The following PAM variants were observed in gnomAD, a reference collection of about 807,000 sequenced individuals.
The protein encoded by PAM is peptidyl-glycine alpha-amidating monooxygenase.
A neutral mutation model predicts 122.1 loss-of-function variants in PAM; 72 were observed. That is an observed-to-expected ratio of 0.59 (90% confidence interval 0.49 to 0.72). The LOEUF is 0.72. Among genes scored for constraint, PAM ranks in the 30% least tolerant of loss-of-function variants. The pLI is 0.00. For synonymous variants in PAM, 389 were observed against 404.4 expected (o/e 0.96, Z 0.46); for missense variants, 1,106 against 1,183.7 (o/e 0.93, Z 0.96).
At chr5:102,793,352 CT>C (rs1331300282) in intron 1 of PAM, among the ~76,000 whole-genome samples, 1 of 149,106 alleles carries the variant, frequency 6.7e-6, no homozygotes, top group Non-Finnish European at 1.5e-5. Flanking sequence ...AGGGAGACCC[CT>C]GTCTCTTCAA....
chr5:102,803,193 GGAA>G (rs1561487103), intron 1 of PAM, among the ~76,000 whole-genome samples: 2 of 110,214 alleles, frequency 1.8e-5, no homozygotes, highest in Non-Finnish European at 4.3e-5. Flanking sequence ...AAGGAAGGAA[GGAA>G]GGAAGGAAGG....
intron 1 of PAM, among the ~76,000 whole-genome samples, chr5:102,779,060 G>C (rs1255972110): frequency 1.3e-5 from 2 of 152,080 alleles, no homozygotes; most frequent in African/African-American, 4.8e-5. Context: ...TGAAGGAATT[G>C]AGTGAGGTAC....
intron 17 of PAM, among the ~76,000 whole-genome samples, chr5:103,004,118 G>A (rs1778219599): frequency 6.6e-6 from 1 of 152,176 alleles, no homozygotes; most frequent in Non-Finnish European, 1.5e-5. Context: ...AAGGTGGATA[G>A]CCACCGTTTT....
At chr5:102,961,808 T>C (rs1343748123) in intron 14 of PAM, among the ~76,000 whole-genome samples, 14 of 151,956 alleles carry the variant, frequency 9.2e-5, no homozygotes, top group Non-Finnish European at 2.1e-4. Context: ...GTTTGATGCT[T>C]GTATGTCATA....
chr5:102,807,564 A>C (rs567346600), intron 1 of PAM, among the ~76,000 whole-genome samples: 1 of 152,322 alleles, frequency 6.6e-6, no homozygotes, highest in East Asian at 1.9e-4. Context: ...TTTCTGGATA[A>C]GTGATGTATT....
Position 102,924,946 on chromosome 5 carries a change from AT to A in PAM, c.357-7del. 7.3e-7 allele frequency: 1 copy of A among 1,375,442 alleles called. No individual in the cohort carries two copies. Among genetic ancestry groups the A allele is most frequent in the Non-Finnish European group, 1.0e-6 (1 of 962,472 alleles). The allele number at this position is 1,375,442 out of a possible 1,614,324, so 85.2% of individuals were successfully genotyped here. A position where few individuals can be genotyped will look rare whatever the true frequency, so the allele number is the denominator to read the frequency against. On this transcript the variant is annotated splice_polypyrimidine_tract_variant and intron_variant, in intron 5 of 25. Transcript: ENST00000438793. Reference sequence around the variant, plus strand: ...TAAATCTTCATTTATACTACTTTTTATTTTCTTCAGGTTTTGTGATGAAGGA... The same window carrying A: ...TAAATCTTCATTTATACTACTTTTTATTTCTTCAGGTTTTGTGATGAAGGA...
chr5:102,974,432 A>G lies in PAM; in HGVS notation c.1479A>G (p.Thr493=), dbSNP rs994611579. 5 of 1,608,382 alleles carry G rather than the reference A, an allele frequency of 3.1e-6. No individual in the cohort carries two copies. In the African/African-American group the frequency reaches 5.4e-5, roughly 17 times the overall value. Residue 493 remains threonine (T), a synonymous_variant, in exon 15 of 26, where the codon ACA becomes ACG. Coordinates refer to ENST00000438793, the MANE Select transcript of PAM (RefSeq NM_001177306.2). ...AAGGCACCTGGGAACCAGAACACAC[A>G]GGAGGTGCGTGTAGGGTTTCTTTTA... is the stretch of plus-strand genomic sequence containing the variant. ...PGEGTWEPEH[T]GDFHMEEALD...
At chr5:102,781,493 C>G (rs1447331390) in intron 1 of PAM, among the ~76,000 whole-genome samples, 1 of 152,100 alleles carries the variant, frequency 6.6e-6, no homozygotes, top group African/African-American at 2.4e-5. Context: ...TGAGTAAAAA[C>G]CTAAATGCTA....
chr5:102,818,278 T>C (rs1040550273), intron 1 of PAM, among the ~76,000 whole-genome samples: 3 of 152,004 alleles, frequency 2.0e-5, no homozygotes, highest in African/African-American at 7.2e-5. Context: ...ACAAAGAGTA[T>C]AATGGATTAT....
chr5:102,758,153 C>A (rs1323865650), intron 1 of PAM, among the ~76,000 whole-genome samples: 1 of 127,062 alleles, frequency 7.9e-6, no homozygotes, highest in African/African-American at 3.0e-5. Context: ...AAAAGATTGA[C>A]CAGGGATCTT....
At chr5:102,770,546 C>T (rs1021254484) in intron 1 of PAM, among the ~76,000 whole-genome samples, 10 of 151,942 alleles carry the variant, frequency 6.6e-5, no homozygotes, top group Non-Finnish European at 2.9e-5. Context: ...CCTTCTAGAC[C>T]CAGTTTTCTG....
chr5:102,845,522 T>C (rs1295196930), intron 1 of PAM, among the ~76,000 whole-genome samples: 1 of 152,200 alleles, frequency 6.6e-6, no homozygotes, highest in African/African-American at 2.4e-5. Flanking sequence ...AGGAAGTTTA[T>C]TTTTTCTACA....
chr5:102,866,287 G>T lies in PAM; in HGVS notation c.89+3G>T. The T allele has an allele frequency of 6.3e-7, 1 of 1,597,678 alleles. No individual in the cohort carries two copies. Among genetic ancestry groups the T allele is most frequent in the Non-Finnish European group, 8.6e-7 (1 of 1,165,192 alleles). ...AGCCCACTTTCTGTCTTTAAGAGGT[G>T]GGTGTTCGTTGTTCGGGTGCTTTCT... On this transcript the variant is annotated splice_donor_region_variant and intron_variant, in intron 2 of 25. Transcript: ENST00000438793.
At chr5:102,889,501 C>T (rs1056746084) in intron 3 of PAM, among the ~76,000 whole-genome samples, 17 of 151,784 alleles carry the variant, frequency 1.1e-4, no homozygotes, top group Non-Finnish European at 2.9e-5. Flanking sequence ...CTTCCCTTAA[C>T]CTAGCCGTCT....
chr5:102,892,356 AT>A (rs1794996293), intron 3 of PAM, among the ~76,000 whole-genome samples: 1 of 151,832 alleles, frequency 6.6e-6, no homozygotes, highest in African/African-American at 2.4e-5. Context: ...TCATTCTTGC[AT>A]TTGTTCTACT....
intron 12 of PAM, among the ~76,000 whole-genome samples, chr5:102,954,740 A>G (rs1329391181): frequency 6.6e-6 from 1 of 152,140 alleles, no homozygotes; most frequent in African/African-American, 2.4e-5. Flanking sequence ...AATTTAATTA[A>G]GTCAGCCAAT....
At chr5:102,980,692 A>T (rs138420398) in intron 15 of PAM, among the ~76,000 whole-genome samples, 1 of 152,274 alleles carries the variant, frequency 6.6e-6, no homozygotes, top group African/African-American at 2.4e-5. Flanking sequence ...AAATATGGTG[A>T]CACTGGAAGC....
chr5:102,881,137 C>CACACACACACACACACAT lies in PAM; in HGVS notation c.210+13761_210+13762insTACACACACACACACACA, dbSNP rs1554098763. Reference sequence around the variant, plus strand: ...AAAATAATTTTTATACATACACACACACACACACACACACACACAGAGACT... The same window carrying CACACACACACACACACAT: ...AAAATAATTTTTATACATACACACACACACACACACACACACATACACACACACACACACACAGAGACT... On this transcript the variant is annotated intron_variant, in intron 3 of 25. Coordinates refer to ENST00000438793, the MANE Select transcript of PAM (RefSeq NM_001177306.2). Among the ~76,000 whole-genome samples, 48 of 151,428 alleles carry CACACACACACACACACAT rather than the reference C, an allele frequency of 3.2e-4. 2 individuals are homozygous for CACACACACACACACACAT. The highest frequency in any genetic ancestry group is 1.0e-3 in the African/African-American group (42 of 41,224).
intron 5 of PAM, among the ~76,000 whole-genome samples, chr5:102,914,445 A>G (rs999727520): frequency 3.9e-5 from 6 of 152,236 alleles, no homozygotes; most frequent in South Asian, 4.1e-4. Flanking sequence ...AACAGATTCA[A>G]TATATGTATA....
Sources: allele counts gnomAD v4.1 joint callset (sites outside exome capture counted in the v4.1 genomes callset), GRCh38; gene constraint gnomAD v4.1.1; transcripts MANE v1.5; gene names NCBI Gene and HGNC (gene_info 2026-07-23, HGNC 2026-07-21).